CDH9: variants seen among roughly 807,000 people sequenced by gnomAD.
CDH9 encodes cadherin 9.
Under a neutral mutation model 70.9 loss-of-function variants are expected in CDH9, and 28 were observed. The observed-to-expected ratio is 0.40, with a 90% CI of 0.29 to 0.54. CDH9 has a LOEUF of 0.54. Among genes scored for constraint, CDH9 ranks in the 20% least tolerant of loss-of-function variants. CDH9 has a pLI of 0.59. For synonymous variants in CDH9, 409 were observed against 343.1 expected (o/e 1.19, Z -2.12); for missense variants, 874 against 984.4 (o/e 0.89, Z 1.50).
Position 26,885,750 on chromosome 5 carries a change from A to T in CDH9, c.1746T>A (p.Gly582=). ...DNDYPIQSST[G]TLTIRVCACD... ...AGGCACACACACGGATAGTGAGTGT[A>T]CCAGTGCTGCTTTGAATTGGATAAT... The change falls in exon 11 of 12, where the codon GGT becomes GGA. Residue 582 remains glycine, a synonymous_variant. Coordinates refer to ENST00000231021, the MANE Select transcript of CDH9 (RefSeq NM_016279.4). The T allele has an allele frequency of 1.2e-6, 2 of 1,613,848 alleles. No homozygotes were observed. Among genetic ancestry groups the T allele is most frequent in the Non-Finnish European group, 1.7e-6 (2 of 1,179,872 alleles).
rs184758799 is a variant in CDH9, at chr5:26,949,666, G to T, written c.229-33742C>A. Among the ~76,000 whole-genome samples the T allele has an allele frequency of 7.6e-4, 116 of 152,224 alleles. 2 individuals are homozygous for T. Among genetic ancestry groups the T allele is most frequent in the African/African-American group, 2.6e-3 (109 of 41,544 alleles). On this transcript the variant is annotated intron_variant, in intron 2 of 11. Coordinates refer to ENST00000231021, the MANE Select transcript of CDH9 (RefSeq NM_016279.4). ...CCCCATTTTTCTAAATATTCTTTGG[G>T]TATGTTTTAGGAACTCATCTTGGAT...
At chr5:26,924,078 A>G (rs1194589344) in intron 2 of CDH9, among the ~76,000 whole-genome samples, 2 of 152,108 alleles carry the variant, frequency 1.3e-5, no homozygotes, top group African/African-American at 4.8e-5. Flanking sequence ...TTGAAACAAG[A>G]AAAACAATAC....
intron 8 of CDH9, 72 bp downstream of exon 8, chr5:26,890,356 G>A (rs182506823): frequency 4.7e-6 from 6 of 1,280,550 alleles, no homozygotes; most frequent in Non-Finnish European, 5.7e-6. Flanking sequence ...AAGAAAATGA[G>A]TCTAGCTGGT....
chr5:27,016,951 T>A (rs958440520), intron 1 of CDH9, among the ~76,000 whole-genome samples: 2 of 151,938 alleles, frequency 1.3e-5, no homozygotes, highest in African/African-American at 2.4e-5. Flanking sequence ...TTGTCATTTT[T>A]AAATTATTTC....
chr5:27,004,428 T>C (rs1422362471), intron 1 of CDH9, among the ~76,000 whole-genome samples: 2 of 152,062 alleles, frequency 1.3e-5, no homozygotes, highest in African/African-American at 4.8e-5. Flanking sequence ...CTAAATCACA[T>C]AAGGATTTGT....
At position 26,881,448 on chromosome 5, in the gene CDH9, A is replaced by C. The variant is rs1312867698; in HGVS notation, c.2058T>G (p.Ser686Arg). 3 of 1,613,658 alleles carry C rather than the reference A, an allele frequency of 1.9e-6. No homozygotes were observed. The highest frequency in any genetic ancestry group is 3.3e-5 in the Admixed American group (2 of 59,932). Residue 686 changes from serine to arginine, a missense_variant, in exon 12 of 12, where the codon AGT (serine) becomes AGG (arginine). Transcript: ENST00000231021. ...TLRNPEARED[S>R]KLRRDVMPET... ...CAGGCATTACATCCCGTCTAAGTTTACTGTCTTCTCTTGCCTCTGGATTCC... is the reference window on the plus strand; with the variant it reads ...CAGGCATTACATCCCGTCTAAGTTTCCTGTCTTCTCTTGCCTCTGGATTCC...
intron 2 of CDH9, among the ~76,000 whole-genome samples, chr5:26,970,465 G>A (rs1742199973): frequency 6.6e-6 from 1 of 151,992 alleles, no homozygotes; most frequent in African/African-American, 2.4e-5. Context: ...CTGCATCTAT[G>A]TATACACATA....
chr5:26,882,785 C>T (rs932699364), intron 11 of CDH9, among the ~76,000 whole-genome samples: 12 of 151,342 alleles, frequency 7.9e-5, no homozygotes, highest in African/African-American at 2.7e-4. Flanking sequence ...GCTGAAGAAG[C>T]TATTATTCTT....
intron 3 of CDH9, among the ~76,000 whole-genome samples, chr5:26,914,730 C>G (rs1166074768): frequency 6.6e-6 from 1 of 151,956 alleles, no homozygotes; most frequent in Non-Finnish European, 1.5e-5. Flanking sequence ...TTATTTTAGA[C>G]TGAAACATAT....
intron 9 of CDH9, among the ~76,000 whole-genome samples, chr5:26,887,328 T>C (rs1211041096): frequency 6.6e-6 from 1 of 151,720 alleles, no homozygotes; most frequent in Non-Finnish European, 1.5e-5. Context: ...GTTGGTCTTT[T>C]AGTTATATAT....
At chr5:26,990,356 C>A (rs1165801930) in intron 1 of CDH9, among the ~76,000 whole-genome samples, 3 of 152,138 alleles carry the variant, frequency 2.0e-5, no homozygotes, top group Non-Finnish European at 2.9e-5. Context: ...TCACTCTTAG[C>A]TCTTAATGCA....
intron 2 of CDH9, 121 bp downstream of exon 2, chr5:26,987,985 C>A: frequency 1.4e-6 from 1 of 692,704 alleles, no homozygotes; most frequent in Non-Finnish European, 2.4e-6. Context: ...TGCAATATCA[C>A]ACCTTCAGAA....
At chr5:27,017,407 T>C (rs1307877717) in intron 1 of CDH9, among the ~76,000 whole-genome samples, 1 of 149,294 alleles carries the variant, frequency 6.7e-6, no homozygotes, top group Non-Finnish European at 1.5e-5. Flanking sequence ...TGCTTTTCTG[T>C]TTCACAATGC....
At chr5:26,909,987 A>G (rs1423988393) in intron 3 of CDH9, among the ~76,000 whole-genome samples, 1 of 151,980 alleles carries the variant, frequency 6.6e-6, no homozygotes, top group Non-Finnish European at 1.5e-5. Context: ...AGATTACACA[A>G]TGTAACCAAG....
At position 26,885,657 on chromosome 5, in the gene CDH9, C is replaced by T. The variant is rs145328141; in HGVS notation, c.1839G>A (p.Thr613=). 9.9e-6 allele frequency: 16 copies of T among 1,613,618 alleles called. No individual in the cohort carries two copies. The East Asian group carries it at 2.7e-4, about 27-fold the overall frequency. ...EALILSAGLS[T]GALVAILLCV... Reference sequence around the variant, plus strand: ...AGAGTAGAATCGCAACGAGAGCTCCCGTGCTCAGGCCGGCTGAAAGGATCA... The same window carrying T: ...AGAGTAGAATCGCAACGAGAGCTCCTGTGCTCAGGCCGGCTGAAAGGATCA... Residue 613 remains threonine (T), a synonymous_variant, in exon 11 of 12, where the codon ACG becomes ACA. Coordinates refer to ENST00000231021, the MANE Select transcript of CDH9 (RefSeq NM_016279.4).
At chr5:26,882,280 A>AT (rs1740480913) in intron 11 of CDH9, among the ~76,000 whole-genome samples, 1 of 152,080 alleles carries the variant, frequency 6.6e-6, no homozygotes, top group South Asian at 2.1e-4. Context: ...TCTTTAACTT[A>AT]TCGTGCAAAA....
intron 2 of CDH9, among the ~76,000 whole-genome samples, chr5:26,972,039 G>T (rs1452098422): frequency 1.3e-5 from 2 of 152,100 alleles, no homozygotes; most frequent in African/African-American, 4.8e-5. Flanking sequence ...CTATTTTAAA[G>T]GTTTTAAAAG....
At chr5:26,956,634 C>T (rs1341473794) in intron 2 of CDH9, among the ~76,000 whole-genome samples, 2 of 152,096 alleles carry the variant, frequency 1.3e-5, no homozygotes, top group South Asian at 2.1e-4. Context: ...GTATTAGCCC[C>T]CTGCCACCCT....
chr5:27,012,784 C>T lies in CDH9; in HGVS notation c.-49-24402G>A, dbSNP rs1742981063. 2.0e-5 allele frequency among the ~76,000 whole-genome samples: 3 copies of T among 151,976 alleles called. No homozygotes were observed. In the Admixed American group the frequency reaches 2.0e-4, roughly 10 times the overall value. On this transcript the variant is annotated intron_variant, in intron 1 of 11. Coordinates refer to ENST00000231021, the MANE Select transcript of CDH9 (RefSeq NM_016279.4). ...CATTAGCATGTTTTCCTTTGCCAATCACTTATTAGAACTCAGTAAAATTAC... is the reference window on the plus strand; with the variant it reads ...CATTAGCATGTTTTCCTTTGCCAATTACTTATTAGAACTCAGTAAAATTAC...
Sources: gnomAD v4.1 joint callset for allele counts (sites outside exome capture counted in the v4.1 genomes callset) on GRCh38, gnomAD v4.1.1 for gene constraint, MANE v1.5 for transcripts, NCBI Gene and HGNC (gene_info 2026-07-23, HGNC 2026-07-21) for gene names.